The following BPI variants were observed in gnomAD, a reference collection of about 807,000 sequenced individuals.
BPI encodes the protein bactericidal permeability-increasing protein.
Under a neutral mutation model 57.6 loss-of-function variants are expected in BPI, and 48 were observed. That is an observed-to-expected ratio of 0.83 (90% CI 0.66 to 1.06). BPI has a LOEUF of 1.06. Among genes scored for constraint, BPI ranks in the 50% least tolerant of loss-of-function variants. The probability of loss-of-function intolerance (pLI) is 0.00; values close to 1 mark genes in which losing one functional copy is unlikely to be tolerated. For synonymous variants in BPI, 237 were observed against 238.2 expected, an observed-to-expected ratio of 0.99 and a Z score of 0.05; for missense variants, 651 against 609.7, an observed-to-expected ratio of 1.07 and a Z score of -0.71.
rs186549752 is a variant in BPI, at chr20:38,332,225, G to A, written c.1272+1135G>A. Among the ~76,000 whole-genome samples, 161 of 152,278 alleles carry A rather than the reference G, an allele frequency of 1.1e-3. 1 individual carries two copies. Among genetic ancestry groups the A allele is most frequent in the African/African-American group, 3.7e-3 (154 of 41,550 alleles). ...GTGTTGCACAGGCAGTGAGAAGCCGGTGCGCTGTTTCCCTGCAGGGAGTGC... is the reference window on the plus strand; with the variant it reads ...GTGTTGCACAGGCAGTGAGAAGCCGATGCGCTGTTTCCCTGCAGGGAGTGC... On this transcript the variant is annotated intron_variant, in intron 12 of 14. Coordinates refer to ENST00000642449, the MANE Select transcript of BPI (RefSeq NM_001725.3).
intron 11 of BPI, among the ~76,000 whole-genome samples, chr20:38,330,107 G>A (rs2076734961): frequency 6.6e-6 from 1 of 152,136 alleles, no homozygotes; most frequent in African/African-American, 2.4e-5. Flanking sequence ...GCATACCCCT[G>A]TAATCCCAGC....
intron 11 of BPI, among the ~76,000 whole-genome samples, chr20:38,329,244 T>C (rs1012768286): frequency 6.6e-6 from 1 of 151,850 alleles, no homozygotes; most frequent in Non-Finnish European, 1.5e-5. Flanking sequence ...AGAGACACCA[T>C]ATGCAAGCAG....
chr20:38,304,162 T>C lies in BPI; in HGVS notation c.-62T>C, dbSNP rs2076585681. The C allele has an allele frequency of 2.5e-6, 4 of 1,606,708 alleles. No homozygotes were observed. The highest frequency in any genetic ancestry group is 3.4e-6 in the Non-Finnish European group (4 of 1,174,794). ...TGCATTTCCCCAGCCGACTCTTTTA[T>C]AGCTCCCTGGTTCAACCTCAAGGCC... On this transcript the variant is annotated 5_prime_UTR_variant, in exon 1 of 15. Coordinates refer to ENST00000642449, the MANE Select transcript of BPI (RefSeq NM_001725.3).
At chr20:38,324,868 G>T (rs371381133) in intron 9 of BPI, 35 bp downstream of exon 9, 17 of 1,545,610 alleles carry the variant, frequency 1.1e-5, no homozygotes, top group Non-Finnish European at 1.5e-5. Context: ...AGTGAGCCCC[G>T]GGGGTTCTGG....
At chr20:38,337,010 T>G in intron 14 of BPI, 136 bp from the exon 15 acceptor site, 1 of 741,008 alleles carries the variant, frequency 1.3e-6, no homozygotes, top group Non-Finnish European at 2.2e-6. Flanking sequence ...AAACACTGAG[T>G]GACCCCCACT....
chr20:38,306,308 T>C (rs2076596362), intron 1 of BPI, among the ~76,000 whole-genome samples: 1 of 152,248 alleles, frequency 6.6e-6, no homozygotes, highest in South Asian at 2.1e-4. Context: ...GTGCTGGGAT[T>C]ACAGGCGTGA....
At chr20:38,329,586 G>A (rs2076732189) in intron 11 of BPI, among the ~76,000 whole-genome samples, 1 of 152,232 alleles carries the variant, frequency 6.6e-6, no homozygotes, top group East Asian at 1.9e-4. Context: ...TAGGGTATGA[G>A]AATCCACGGA....
At chr20:38,334,069 T>C (rs1288845288) in intron 12 of BPI, among the ~76,000 whole-genome samples, 1 of 152,200 alleles carries the variant, frequency 6.6e-6, no homozygotes, top group Non-Finnish European at 1.5e-5. Context: ...GTTGATTTGA[T>C]TTGCCCTCTT....
chr20:38,323,218 A>G (rs940686755), intron 7 of BPI, among the ~76,000 whole-genome samples: 23 of 152,290 alleles, frequency 1.5e-4, no homozygotes, highest in African/African-American at 5.1e-4. Flanking sequence ...TAAATTTTAC[A>G]TAAGTGGTAT....
At chr20:38,304,485 T>TA in intron 1 of BPI, 132 bp downstream of exon 1, 1 of 1,276,612 alleles carries the variant, frequency 7.8e-7, no homozygotes, top group South Asian at 1.4e-5. Context: ...TGCCCCCATT[T>TA]TATATATGAA....
rs1261921017 is a variant in BPI, at chr20:38,317,982, C to T, written c.601-431C>T. On this transcript the variant is annotated intron_variant, in intron 5 of 14. Coordinates refer to ENST00000642449, the MANE Select transcript of BPI (RefSeq NM_001725.3). Reference sequence around the variant, plus strand: ...GCCCACCTAGACTTAAGCAGAAACACTGCCCATGCTCCCAGAAGCCCAGGT... The same window carrying T: ...GCCCACCTAGACTTAAGCAGAAACATTGCCCATGCTCCCAGAAGCCCAGGT... 6.1e-6 allele frequency: 6 copies of T among 985,156 alleles called. No homozygotes were observed. In the East Asian group the frequency reaches 3.4e-4, roughly 56 times the overall value. 61.0% of individuals were successfully genotyped at this position (985,156 alleles called of 1,614,324 possible). A position where few individuals can be genotyped will look rare whatever the true frequency, so the allele number is the denominator to read the frequency against.
chr20:38,313,329 G>T (rs1343328875), intron 5 of BPI, among the ~76,000 whole-genome samples: 1 of 147,142 alleles, frequency 6.8e-6, no homozygotes, highest in Non-Finnish European at 1.5e-5. Context: ...GTTGTGGTGA[G>T]CCAAGATCAT....
intron 5 of BPI, among the ~76,000 whole-genome samples, chr20:38,313,491 C>G (rs1034205200): frequency 2.6e-5 from 4 of 151,532 alleles, no homozygotes; most frequent in Non-Finnish European, 5.9e-5. Flanking sequence ...TGTGCTCACT[C>G]ACTAGGCTAG....
rs1461172153 is a variant in BPI, at chr20:38,324,843, A to G, written c.993+10A>G. 5.0e-6 allele frequency: 8 copies of G among 1,608,702 alleles called. No individual in the cohort carries two copies. The East Asian group carries it at 6.7e-5, about 13-fold the overall frequency. On this transcript the variant is annotated intron_variant, in intron 9 of 14. Transcript: ENST00000642449. ...AACCTTCCTACCTGAGGTATGGAAG[A>G]CCTTGCTTTCCTTTAGTGAGCCCCG...
chr20:38,334,390 C>A (rs377649637), intron 12 of BPI, 40 bp from the exon 13 acceptor site: 5 of 1,579,242 alleles, frequency 3.2e-6, no homozygotes, highest in Non-Finnish European at 4.4e-6. Flanking sequence ...AAGGTTCTGG[C>A]GATGCAGGGC....
intron 1 of BPI, among the ~76,000 whole-genome samples, chr20:38,306,177 G>A (rs1008098274): frequency 2.6e-5 from 4 of 152,112 alleles, no homozygotes; most frequent in African/African-American, 4.8e-5. Context: ...GATTACAGGC[G>A]TGCACCATCA....
At chr20:38,332,417 G>A (rs1469931121) in intron 12 of BPI, among the ~76,000 whole-genome samples, 1 of 152,164 alleles carries the variant, frequency 6.6e-6, no homozygotes, top group Non-Finnish European at 1.5e-5. Context: ...ATATATTTTG[G>A]AAGTAGATTT....
rs572272130 is a variant in BPI, at chr20:38,320,343, T to C, written c.756+69T>C. 12 of 1,432,778 alleles carry C rather than the reference T, an allele frequency of 8.4e-6. No homozygotes were observed. In the Admixed American group the frequency reaches 2.1e-4, roughly 25 times the overall value. 88.8% of individuals were successfully genotyped at this position (1,432,778 alleles called of 1,614,324 possible). The stretch of plus-strand genomic sequence containing the variant: ...CAGACACTCCAGGGCTCCCCAGTCC[T>C]TGGAAACAAACTTAACAATGTCCCC... On this transcript the variant is annotated intron_variant, in intron 7 of 14. Transcript: ENST00000642449.
At chr20:38,336,385 T>C (rs1482254412) in intron 14 of BPI, among the ~76,000 whole-genome samples, 2 of 152,088 alleles carry the variant, frequency 1.3e-5, no homozygotes, top group African/African-American at 2.4e-5. Context: ...TTCCAGTCTT[T>C]TTATTTTTTC....
Sources: allele counts gnomAD v4.1 joint callset (sites outside exome capture counted in the v4.1 genomes callset), GRCh38; gene constraint gnomAD v4.1.1; transcripts MANE v1.5; gene names NCBI Gene and HGNC (gene_info 2026-07-23, HGNC 2026-07-21).